Variants in ANKS1B observed in about 807,000 individuals in gnomAD.
The protein encoded by ANKS1B is ankyrin repeat and sterile alpha motif domain-containing protein 1B.
In ANKS1B, 36 loss-of-function variants were observed where a neutral mutation model predicts 148.3. That is an observed-to-expected ratio of 0.24 (90% CI 0.19 to 0.32). The LOEUF is 0.32. ANKS1B is among the 10% of genes least tolerant of loss of function. ANKS1B has a pLI of 1.00. For synonymous variants in ANKS1B, 542 were observed against 560.8 expected, an observed-to-expected ratio of 0.97 and a Z score of 0.47; for missense variants, 1,157 against 1,542.6, an observed-to-expected ratio of 0.75 and a Z score of 4.19.
At chr12:99,505,608 G>T (rs1414307727) in intron 9 of ANKS1B, among the ~76,000 whole-genome samples, 2 of 148,066 alleles carry the variant, frequency 1.4e-5, no homozygotes, top group African/African-American at 4.9e-5. Flanking sequence ...TATATATGTA[G>T]AATATATATA....
intron 11 of ANKS1B, among the ~76,000 whole-genome samples, chr12:99,433,461 T>C (rs1302163262): frequency 1.3e-5 from 2 of 152,044 alleles, no homozygotes; most frequent in African/African-American, 2.4e-5. Context: ...TCACAGACCT[T>C]TGAAAAGGTT....
chr12:98,856,470 T>A (rs1282575049), intron 17 of ANKS1B, among the ~76,000 whole-genome samples: 1 of 152,238 alleles, frequency 6.6e-6, no homozygotes, highest in Non-Finnish European at 1.5e-5. Context: ...TAATACCAAC[T>A]TCATAGGCCT....
intron 1 of ANKS1B, among the ~76,000 whole-genome samples, chr12:99,877,875 A>G (rs2092223898): frequency 2.0e-5 from 3 of 152,174 alleles, no homozygotes; most frequent in Non-Finnish European, 4.4e-5. Flanking sequence ...CCTGGGCAAC[A>G]TGGCGAAACC....
intron 8 of ANKS1B, among the ~76,000 whole-genome samples, chr12:99,759,646 C>A (rs2061898663): frequency 6.6e-6 from 1 of 151,928 alleles, no homozygotes; most frequent in Non-Finnish European, 1.5e-5. Context: ...TAAATACTGG[C>A]AAGCTGTCCA....
intron 19 of ANKS1B, among the ~76,000 whole-genome samples, chr12:98,811,465 G>A (rs913301368): frequency 4.6e-5 from 7 of 152,104 alleles, no homozygotes; most frequent in African/African-American, 1.4e-4. Context: ...GTGTCAGCTC[G>A]GTAGGTGCTA....
chr12:99,058,768 C>T (rs1306539382), intron 16 of ANKS1B, among the ~76,000 whole-genome samples: 2 of 110,950 alleles, frequency 1.8e-5, no homozygotes, highest in African/African-American at 7.2e-5. Context: ...GACGGAGTCT[C>T]GCTCTGTCGC....
chr12:99,648,704 T>G (rs137864081), intron 9 of ANKS1B: 5 of 1,613,976 alleles, frequency 3.1e-6, no homozygotes, highest in African/African-American at 1.3e-5. Context: ...AGACCACCAG[T>G]GGAGGCTTAC....
chr12:99,201,405 G>A (rs2082054064), intron 14 of ANKS1B, among the ~76,000 whole-genome samples: 1 of 152,124 alleles, frequency 6.6e-6, no homozygotes, highest in Non-Finnish European at 1.5e-5. Context: ...CTGGTAGGTG[G>A]ATGTGTTTGA....
intron 10 of ANKS1B, among the ~76,000 whole-genome samples, chr12:99,478,863 C>A (rs2096367092): frequency 6.6e-6 from 1 of 152,086 alleles, no homozygotes; most frequent in Non-Finnish European, 1.5e-5. Context: ...TCTATCAGAG[C>A]ATTCTTCAAC....
At position 99,857,532 on chromosome 12, in the gene ANKS1B, A is replaced by G. The variant is rs184802906; in HGVS notation, c.135-32143T>C. On this transcript the variant is annotated intron_variant, in intron 1 of 26. Coordinates refer to ENST00000683438, the MANE Select transcript of ANKS1B (RefSeq NM_001352186.2). ...CCATCATTCTTCACAGAACTAAAAG[A>G]AAATCCTAAAATTAACGTGGAACCA... Among the ~76,000 whole-genome samples the G allele has an allele frequency of 3.3e-5, 5 of 152,252 alleles. No homozygotes were observed. In the East Asian group the frequency reaches 7.7e-4, roughly 24 times the overall value.
chr12:99,761,715 A>G (rs1014041659), intron 8 of ANKS1B, among the ~76,000 whole-genome samples: 11 of 152,088 alleles, frequency 7.2e-5, no homozygotes, highest in Admixed American at 5.9e-4. Flanking sequence ...ATGCAAGAGG[A>G]ATAAATAAAA....
chr12:98,883,082 C>T (rs2099717491), intron 17 of ANKS1B, among the ~76,000 whole-genome samples: 1 of 152,110 alleles, frequency 6.6e-6, no homozygotes, highest in African/African-American at 2.4e-5. Flanking sequence ...AAGGGTGATG[C>T]TTACTTGTTT....
intron 1 of ANKS1B, among the ~76,000 whole-genome samples, chr12:99,883,147 G>A (rs2092623286): frequency 6.6e-6 from 1 of 152,172 alleles, no homozygotes; most frequent in Non-Finnish European, 1.5e-5. Flanking sequence ...GTCATTTAGA[G>A]TATGTTTAAC....
At chr12:98,823,604 C>T (rs758904584) in intron 19 of ANKS1B, among the ~76,000 whole-genome samples, 31 of 152,232 alleles carry the variant, frequency 2.0e-4, no homozygotes, top group Admixed American at 4.6e-4. Flanking sequence ...ATTCTCCTGT[C>T]TCAGCTCTCC....
At chr12:99,800,076 T>G (rs1249898150) in intron 4 of ANKS1B, among the ~76,000 whole-genome samples, 1 of 152,094 alleles carries the variant, frequency 6.6e-6, no homozygotes, top group Non-Finnish European at 1.5e-5. Flanking sequence ...AAAACTCACA[T>G]GCTAAGGCCC....
chr12:99,152,525 G>T (rs898596792), intron 15 of ANKS1B, among the ~76,000 whole-genome samples: 1 of 151,988 alleles, frequency 6.6e-6, no homozygotes, highest in Non-Finnish European at 1.5e-5. Flanking sequence ...TAATTTTTAC[G>T]ATCTCTCTTT....
At chr12:99,458,632 C>G (rs538829661) in intron 10 of ANKS1B, among the ~76,000 whole-genome samples, 1 of 151,994 alleles carries the variant, frequency 6.6e-6, no homozygotes, top group Non-Finnish European at 1.5e-5. Context: ...ACTATGAACA[C>G]TTTTATGTGC....
At chr12:99,890,070 A>G (rs71462292) in intron 1 of ANKS1B, among the ~76,000 whole-genome samples, 27,620 of 152,108 alleles carry the variant, frequency 0.18, 2,923 homozygotes, top group Non-Finnish European at 0.24. Flanking sequence ...CCCCAGTCCT[A>G]TGAAAAGCAT....
chr12:99,498,986 A>G (rs993520522), intron 10 of ANKS1B, among the ~76,000 whole-genome samples: 3 of 152,176 alleles, frequency 2.0e-5, no homozygotes, highest in Non-Finnish European at 4.4e-5. Context: ...AAGTAATAGG[A>G]TTGATGCAAA....
Sources: allele counts gnomAD v4.1 joint callset (sites outside exome capture counted in the v4.1 genomes callset), GRCh38; gene constraint gnomAD v4.1.1; transcripts MANE v1.5; gene names NCBI Gene and HGNC (gene_info 2026-07-23, HGNC 2026-07-21).